The following SLC2A9 variants were observed in gnomAD, a reference collection of about 807,000 sequenced individuals.
SLC2A9 encodes the protein solute carrier family 2 member 9.
Under a neutral mutation model 50.6 loss-of-function variants are expected in SLC2A9, and 39 were observed. That is an observed-to-expected ratio of 0.77 (90% CI 0.60 to 1.01). The LOEUF is 1.01. Ranked by LOEUF, SLC2A9 falls within the 50% of genes least tolerant of loss-of-function variation. SLC2A9 has a pLI of 0.00. For missense variants in SLC2A9, 686 were observed against 677.6 expected (o/e 1.01, Z -0.14); for synonymous variants, 324 against 276.9 (o/e 1.17, Z -1.69).
intron 1 of SLC2A9, among the ~76,000 whole-genome samples, chr4:10,020,476 AT>A (rs1229822000): frequency 1.3e-5 from 2 of 152,184 alleles, no homozygotes; most frequent in South Asian, 2.1e-4. Context: ...AAGAGGGAAC[AT>A]TTATAAGCCT....
At chr4:9,832,762 T>C (rs976540466) in intron 11 of SLC2A9, among the ~76,000 whole-genome samples, 4 of 152,210 alleles carry the variant, frequency 2.6e-5, no homozygotes, top group African/African-American at 9.7e-5. Flanking sequence ...CTCATCCCCT[T>C]GCCTGTCAAA....
At chr4:9,902,881 G>A (rs186966037) in intron 8 of SLC2A9, among the ~76,000 whole-genome samples, 1 of 152,268 alleles carries the variant, frequency 6.6e-6, no homozygotes, top group East Asian at 1.9e-4. Context: ...TTTTGAGGAG[G>A]TGCAATTCAA....
chr4:9,819,929 G>T (rs183852440), intron 3 of SLC2A9, among the ~76,000 whole-genome samples: 13 of 152,186 alleles, frequency 8.5e-5, no homozygotes, highest in Non-Finnish European at 2.9e-5. Context: ...GCGAGACTCC[G>T]TCTCAAAACA....
chr4:9,794,643 A>T (rs1273234168), downstream of SLC2A9, among the ~76,000 whole-genome samples: 1 of 152,160 alleles, frequency 6.6e-6, no homozygotes, highest in Non-Finnish European at 1.5e-5. Flanking sequence ...GGGATGACAG[A>T]TTGCAAAACA....
chr4:9,938,632 A>G (rs867189054), intron 6 of SLC2A9, among the ~76,000 whole-genome samples: 8 of 152,162 alleles, frequency 5.3e-5, no homozygotes, highest in Non-Finnish European at 7.3e-5. Flanking sequence ...AGAGTCACAC[A>G]CACGCTCAAG....
chr4:9,895,828 G>C (rs1738448014), intron 8 of SLC2A9, among the ~76,000 whole-genome samples: 1 of 152,240 alleles, frequency 6.6e-6, no homozygotes, highest in Admixed American at 6.5e-5. Flanking sequence ...GAATTATCTT[G>C]TGTCTCTTCC....
chr4:9,940,202 AATCAG>A (rs1747869574), intron 6 of SLC2A9, among the ~76,000 whole-genome samples: 1 of 152,176 alleles, frequency 6.6e-6, no homozygotes, highest in African/African-American at 2.4e-5. Flanking sequence ...GTGCATCTAG[AATCAG>A]ATCCCCTTGG....
chr4:9,918,726 G>C (rs1482068440), intron 7 of SLC2A9, among the ~76,000 whole-genome samples: 1 of 152,172 alleles, frequency 6.6e-6, no homozygotes, highest in East Asian at 1.9e-4. Flanking sequence ...GCTGGCCTGG[G>C]TTTCTCACTG....
At chr4:9,988,750 G>GA (rs1012817308) in intron 3 of SLC2A9, among the ~76,000 whole-genome samples, 14 of 152,200 alleles carry the variant, frequency 9.2e-5, no homozygotes, top group African/African-American at 3.1e-4. Flanking sequence ...CTCTCAAGGG[G>GA]AAAAAAAGAC....
At chr4:9,935,742 T>G (rs943369352) in intron 6 of SLC2A9, among the ~76,000 whole-genome samples, 8 of 152,208 alleles carry the variant, frequency 5.3e-5, no homozygotes, top group African/African-American at 1.9e-4. Context: ...CCTGAACATA[T>G]GCTCCCAGCA....
rs773017845 is a variant in SLC2A9 at position 9,941,943 on chromosome 4, C to A, written c.784G>T (p.Glu262Ter). Residue 262 changes from glutamate to a stop codon, truncating the protein, a stop_gained, in exon 6 of 12, where the codon GAG becomes TAG. Coordinates refer to ENST00000264784, the MANE Select transcript of SLC2A9 (RefSeq NM_020041.3). LOFTEE classifies it high-confidence loss of function. ...LPDSPRYLLL[E>*]KHNEARAVKA... ...ACAGCTCTTGCCTCGTTGTGCTTCT[C>A]CAAGAGCAGGTAGCGTGGGCTGTCC... The A allele has an allele frequency of 1.2e-6, 2 of 1,614,038 alleles. No homozygotes were observed. Among genetic ancestry groups the A allele is most frequent in the Admixed American group, 1.7e-5 (1 of 59,996 alleles).
intron 4 of SLC2A9, among the ~76,000 whole-genome samples, chr4:9,981,482 T>C (rs1044085736): frequency 4.6e-5 from 7 of 152,212 alleles, no homozygotes; most frequent in Admixed American, 2.0e-4. Flanking sequence ...GAATTAAATA[T>C]ACTATTACCA....
intron 4 of SLC2A9, among the ~76,000 whole-genome samples, chr4:9,982,703 C>G (rs1363523086): frequency 6.6e-6 from 1 of 152,214 alleles, no homozygotes; most frequent in Non-Finnish European, 1.5e-5. Context: ...TTCTCCAAAG[C>G]AGGCAGGGCC....
chr4:9,829,048 T>C (rs1399457756), intron 11 of SLC2A9, among the ~76,000 whole-genome samples: 1 of 152,186 alleles, frequency 6.6e-6, no homozygotes, highest in Admixed American at 6.5e-5. Flanking sequence ...GGCTTTCTTT[T>C]CCCAAGGGAC....
At chr4:9,987,333 T>A (rs975699741) in intron 3 of SLC2A9, among the ~76,000 whole-genome samples, 2 of 152,142 alleles carry the variant, frequency 1.3e-5, no homozygotes, top group African/African-American at 2.4e-5. Flanking sequence ...TTGGCCAGGA[T>A]GGTCTCAAAC....
chr4:9,920,169 CTT>C (rs1743637678), intron 7 of SLC2A9, among the ~76,000 whole-genome samples: 1 of 152,350 alleles, frequency 6.6e-6, no homozygotes, highest in Admixed American at 6.5e-5. Flanking sequence ...GAACTGAACA[CTT>C]TGCATGGATT....
At chr4:9,938,535 T>A (rs1451147839) in intron 6 of SLC2A9, among the ~76,000 whole-genome samples, 1 of 152,138 alleles carries the variant, frequency 6.6e-6, no homozygotes, top group Non-Finnish European at 1.5e-5. Context: ...CCTCCCAAAG[T>A]GCTGGGATTA....
chr4:10,021,456 C>G lies in SLC2A9; in HGVS notation c.-27G>C. ...GGTCTCAGTGACCCAGCTGATGGCT[C>G]AGTCCAGGGACCCCAGACTCTGCCA... On this transcript the variant is annotated 5_prime_UTR_variant, in exon 1 of 12. It removes the in-frame stop codon of an upstream open reading frame in the 5' UTR. Coordinates refer to ENST00000264784, the MANE Select transcript of SLC2A9 (RefSeq NM_020041.3). The G allele has an allele frequency of 6.2e-7, 1 of 1,613,934 alleles. No individual in the cohort carries two copies. The highest frequency in any genetic ancestry group is 8.5e-7 in the Non-Finnish European group (1 of 1,179,948).
chr4:9,993,501 A>G (rs1328691808), intron 3 of SLC2A9, among the ~76,000 whole-genome samples: 3 of 152,222 alleles, frequency 2.0e-5, no homozygotes, highest in African/African-American at 7.2e-5. Flanking sequence ...AATCTTCACA[A>G]CAACCCTCTG....
Sources: allele counts gnomAD v4.1 joint callset (sites outside exome capture counted in the v4.1 genomes callset), GRCh38; gene constraint gnomAD v4.1.1; transcripts MANE v1.5; gene names NCBI Gene and HGNC (gene_info 2026-07-23, HGNC 2026-07-21).